Variants in DNAH14 observed in about 807,000 individuals in gnomAD.
DNAH14 encodes axonemal beta dynein heavy chain 14.
In DNAH14, 478 loss-of-function variants were observed where a neutral mutation model predicts 520.9. That is an observed-to-expected ratio of 0.92 (90% confidence interval 0.85 to 0.99). The LOEUF (loss-of-function observed/expected upper bound fraction) is 0.99, where lower values mean the gene tolerates loss of function less well. Ranked by LOEUF, DNAH14 falls within the 50% of genes least tolerant of loss-of-function variation. The pLI is 0.00. For synonymous variants in DNAH14, 1,581 were observed against 1,757.2 expected (o/e 0.90, Z 2.51); for missense variants, 4,831 against 5,234.5 (o/e 0.92, Z 2.38).
intron 66 of DNAH14, among the ~76,000 whole-genome samples, chr1:225,335,269 TGTA>T (rs1173124060): frequency 1.5e-5 from 2 of 132,188 alleles, no homozygotes; most frequent in Non-Finnish European, 3.3e-5. Flanking sequence ...CATATACACG[TGTA>T]CATTGTGTGT....
At chr1:225,179,075 T>C (rs1319068853) in intron 36 of DNAH14, among the ~76,000 whole-genome samples, 1 of 152,172 alleles carries the variant, frequency 6.6e-6, no homozygotes, top group Admixed American at 6.5e-5. Context: ...ATTAAACCTC[T>C]TCCTTTTGTA....
chr1:225,094,349 A>G (rs942352245), intron 21 of DNAH14, among the ~76,000 whole-genome samples: 2 of 152,162 alleles, frequency 1.3e-5, no homozygotes, highest in Non-Finnish European at 2.9e-5. Flanking sequence ...CTGATCTTTG[A>G]CAAAGTTGAC....
chr1:225,061,034 C>T (rs2069995575), intron 17 of DNAH14, among the ~76,000 whole-genome samples: 1 of 151,846 alleles, frequency 6.6e-6, no homozygotes, highest in Admixed American at 6.6e-5. Context: ...CTACTCTCTT[C>T]AAAGCTGTCA....
At chr1:225,011,295 T>G (rs1400877795) in intron 10 of DNAH14, among the ~76,000 whole-genome samples, 1 of 152,222 alleles carries the variant, frequency 6.6e-6, no homozygotes, top group Non-Finnish European at 1.5e-5. Context: ...TCTGGTATGT[T>G]ATGTCTTTGT....
At position 225,085,638 on chromosome 1, in the gene DNAH14, G is replaced by A. The variant is rs1414915154; in HGVS notation, c.3422G>A (p.Trp1141Ter). The A allele has an allele frequency of 1.3e-6, 2 of 1,551,022 alleles. No homozygotes were observed. Among genetic ancestry groups the A allele is most frequent in the South Asian group, 1.2e-5 (1 of 84,030 alleles). ...EKMLFKIIDF[W>*]NTTPLPLILH... Reference sequence around the variant, plus strand: ...ATGCTATTTAAGATTATTGATTTTTGGAACACTACTCCTTTGCCTTTAATT... The same window carrying A: ...ATGCTATTTAAGATTATTGATTTTTAGAACACTACTCCTTTGCCTTTAATT... Residue 1141 changes from tryptophan (W) to a stop codon, truncating the protein, a stop_gained, in exon 21 of 86, where the codon TGG (tryptophan) becomes TAG (stop). Transcript: ENST00000682510. LOFTEE classifies it high-confidence loss of function.
At chr1:225,225,904 C>CTACAGGAT (rs2090485657) in intron 41 of DNAH14, among the ~76,000 whole-genome samples, 1 of 152,178 alleles carries the variant, frequency 6.6e-6, no homozygotes, top group Non-Finnish European at 1.5e-5. Flanking sequence ...CCCTACAGGA[C>CTACAGGAT]CCGCAGTCCC....
intron 34 of DNAH14, among the ~76,000 whole-genome samples, chr1:225,155,230 T>C (rs2149110506): frequency 6.6e-6 from 1 of 152,262 alleles, no homozygotes; most frequent in Admixed American, 6.5e-5. Context: ...GCTATATTCA[T>C]GTACTGCCTA....
At chr1:224,970,762 G>T (rs56088704) in intron 7 of DNAH14, among the ~76,000 whole-genome samples, 8,366 of 152,162 alleles carry the variant, frequency 0.055, 469 homozygotes, top group East Asian at 0.23. Context: ...GGAAGAAAAT[G>T]TACATATAAA....
chr1:224,980,955 G>A (rs2062224063), intron 8 of DNAH14, among the ~76,000 whole-genome samples: 1 of 152,298 alleles, frequency 6.6e-6, no homozygotes, highest in African/African-American at 2.4e-5. Flanking sequence ...AAACCTGCAC[G>A]TTCTGCACAT....
At chr1:224,939,433 T>C (rs2245101) in intron 1 of DNAH14, among the ~76,000 whole-genome samples, 48,785 of 151,888 alleles carry the variant, frequency 0.32, 13,768 homozygotes, top group African/African-American at 0.76. Context: ...CACTTTGGGA[T>C]GCCCAGGTGG....
chr1:225,362,624 C>G (rs2095506080), intron 75 of DNAH14, among the ~76,000 whole-genome samples: 1 of 147,470 alleles, frequency 6.8e-6, no homozygotes, highest in African/African-American at 2.5e-5. Flanking sequence ...GAAATGCAAA[C>G]TAAAACCATA....
intron 27 of DNAH14, among the ~76,000 whole-genome samples, chr1:225,129,139 T>C (rs1309044940): frequency 2.0e-5 from 3 of 151,334 alleles, no homozygotes; most frequent in African/African-American, 7.3e-5. Flanking sequence ...CAAGGAGAAC[T>C]ACAAACCACT....
intron 1 of DNAH14, among the ~76,000 whole-genome samples, chr1:224,946,694 A>C (rs546365654): frequency 5.3e-4 from 80 of 152,212 alleles, no homozygotes; most frequent in African/African-American, 1.8e-3. Flanking sequence ...GTTATTCACT[A>C]TCTCTAGATC....
intron 55 of DNAH14, among the ~76,000 whole-genome samples, chr1:225,300,426 C>G (rs543167750): frequency 6.6e-6 from 1 of 152,204 alleles, no homozygotes; most frequent in Non-Finnish European, 1.5e-5. Context: ...TGAATGAAAA[C>G]GTTAGTTTTA....
chr1:225,266,847 T>G, intron 49 of DNAH14, 78 bp downstream of exon 49: 2 of 1,334,874 alleles, frequency 1.5e-6, no homozygotes, highest in South Asian at 3.3e-5. Flanking sequence ...CAATGTTGAG[T>G]GAATTGCTTG....
intron 45 of DNAH14, among the ~76,000 whole-genome samples, chr1:225,258,730 T>C (rs574430531): frequency 6.6e-6 from 1 of 152,286 alleles, no homozygotes; most frequent in South Asian, 2.1e-4. Flanking sequence ...ACTTAATGAA[T>C]TGTAAAATCA....
chr1:225,003,724 A>G (rs1055012371), intron 9 of DNAH14, among the ~76,000 whole-genome samples: 2 of 152,110 alleles, frequency 1.3e-5, no homozygotes, highest in Non-Finnish European at 2.9e-5. Flanking sequence ...TATATTTTTT[A>G]TACTTATATA....
At chr1:225,216,977 G>A (rs540930623) in intron 41 of DNAH14, among the ~76,000 whole-genome samples, 11 of 152,258 alleles carry the variant, frequency 7.2e-5, no homozygotes, top group African/African-American at 1.7e-4. Context: ...GAGAAGAGGC[G>A]CTCTGATTTT....
intron 3 of DNAH14, among the ~76,000 whole-genome samples, 198 bp downstream of exon 3, chr1:224,955,296 T>G (rs941224646): frequency 2.0e-5 from 3 of 152,176 alleles, no homozygotes; most frequent in African/African-American, 7.2e-5. Context: ...ATAATAAAAG[T>G]AACGAATATT....
Sources: allele counts gnomAD v4.1 joint callset (sites outside exome capture counted in the v4.1 genomes callset), GRCh38; gene constraint gnomAD v4.1.1; transcripts MANE v1.5; gene names NCBI Gene and HGNC (gene_info 2026-07-23, HGNC 2026-07-21).